LEF1: variants seen among roughly 807,000 people sequenced by gnomAD.
The protein encoded by LEF1 is lymphoid enhancer-binding factor 1.
Under a neutral mutation model 51.2 loss-of-function variants are expected in LEF1, and 14 were observed. The observed-to-expected ratio is 0.27, with a 90% CI of 0.18 to 0.43. The LOEUF (loss-of-function observed/expected upper bound fraction) is 0.43, where lower values mean the gene tolerates loss of function less well. Among genes scored for constraint, LEF1 ranks in the 20% least tolerant of loss-of-function variants. The pLI is 1.00. For missense variants in LEF1, 386 were observed against 512.0 expected (o/e 0.75, Z 2.37); for synonymous variants, 185 against 183.2 (o/e 1.01, Z -0.08).
chr4:108,152,933 T>C (rs941101118), intron 3 of LEF1, among the ~76,000 whole-genome samples: 35 of 152,240 alleles, frequency 2.3e-4, no homozygotes, highest in African/African-American at 8.2e-4. Flanking sequence ...ACAGCAGTGC[T>C]TTGCTGCTGC....
Position 108,167,111 on chromosome 4 carries a change from G to A in LEF1, c.213+444C>T, listed in dbSNP as rs904322201. Among the ~76,000 whole-genome samples, 1 of 152,084 alleles carries A rather than the reference G, an allele frequency of 6.6e-6. No homozygotes were observed. Among genetic ancestry groups the A allele is most frequent in the Non-Finnish European group, 1.5e-5 (1 of 68,020 alleles). On this transcript the variant is annotated intron_variant, in intron 1 of 11. Transcript: ENST00000265165. The surrounding 1 kb of genome is among the most constrained non-coding windows in gnomAD (Gnocchi z 5.7). ...CCACCTAAGCCTTTGGTGGTTTAAC[G>A]CACTTTTGCAGAGACATCTACCAAG... is the stretch of plus-strand genomic sequence containing the variant.
intron 4 of LEF1, among the ~76,000 whole-genome samples, chr4:108,088,632 T>C (rs138977442): frequency 1.7e-3 from 265 of 152,342 alleles, no homozygotes; most frequent in African/African-American, 6.0e-3. Context: ...GGACTTTAAA[T>C]AGAGGTTTTA....
chr4:108,115,211 C>A (rs1741760369), intron 3 of LEF1, among the ~76,000 whole-genome samples: 1 of 152,094 alleles, frequency 6.6e-6, no homozygotes, highest in South Asian at 2.1e-4. Flanking sequence ...AATGAGCTAT[C>A]CAAATAGATC....
chr4:108,160,383 A>T (rs1448912379), intron 3 of LEF1, among the ~76,000 whole-genome samples: 3 of 152,250 alleles, frequency 2.0e-5, no homozygotes, highest in African/African-American at 7.2e-5. Context: ...TAAAATATTT[A>T]ACAGGCTTCT....
At chr4:108,099,556 A>ATGTG (rs1245005290) in intron 3 of LEF1, among the ~76,000 whole-genome samples, 1,916 of 49,394 alleles carry the variant, frequency 0.039, 147 homozygotes, top group Non-Finnish European at 0.051. Flanking sequence ...GTGTGTGTGT[A>ATGTG]TGTGTGTGTG....
rs183616121 is a variant in LEF1 at position 108,073,246 on chromosome 4, G to A, written c.1009-2476C>T. On this transcript the variant is annotated intron_variant, in intron 8 of 11. Coordinates refer to ENST00000265165, the MANE Select transcript of LEF1 (RefSeq NM_016269.5). ...ATTAAAATACAAAAATTAGCCAGGC[G>A]TAGCAGTGCATGCCTGTAATCCCAG... is the stretch of plus-strand genomic sequence containing the variant. Among the ~76,000 whole-genome samples, 565 of 152,232 alleles carry A rather than the reference G, an allele frequency of 3.7e-3. 4 individuals carry two copies. Among genetic ancestry groups the A allele is most frequent in the Middle Eastern group, 0.01 (3 of 294 alleles).
At chr4:108,124,881 G>A (rs988014753) in intron 3 of LEF1, among the ~76,000 whole-genome samples, 22 of 152,132 alleles carry the variant, frequency 1.4e-4, no homozygotes, top group Non-Finnish European at 3.1e-4. Context: ...CTCCTTTCTA[G>A]GTATCACTAG....
intron 4 of LEF1, among the ~76,000 whole-genome samples, chr4:108,088,775 A>C (rs555661565): frequency 6.7e-6 from 1 of 149,020 alleles, no homozygotes; most frequent in East Asian, 2.0e-4. Context: ...TTCCTATTTT[A>C]AAATTACCAG....
rs1401784157 is a variant in LEF1 at position 108,166,531 on chromosome 4, G to A, written c.213+1024C>T. On this transcript the variant is annotated intron_variant, in intron 1 of 11. Coordinates refer to ENST00000265165, the MANE Select transcript of LEF1 (RefSeq NM_016269.5). Reference sequence around the variant, plus strand: ...AACAAGGGTGACCAGTGGAGTGTCGGGTATCAGGGTCCATCCGCCCCCTAG... The same window carrying A: ...AACAAGGGTGACCAGTGGAGTGTCGAGTATCAGGGTCCATCCGCCCCCTAG... 2.3e-6 allele frequency: 3 copies of A among 1,296,372 alleles called. No individual in the cohort carries two copies. In the Admixed American group the frequency reaches 1.1e-4, roughly 49 times the overall value. The allele number at this position is 1,296,372 out of a possible 1,614,324, so 80.3% of individuals were successfully genotyped here.
chr4:108,113,109 A>G lies in LEF1; in HGVS notation c.415-23852T>C, dbSNP rs886725282. Among the ~76,000 whole-genome samples the G allele has an allele frequency of 3.9e-5, 6 of 152,322 alleles. No individual in the cohort carries two copies. The East Asian group carries it at 1.2e-3, about 29-fold the overall frequency. On this transcript the variant is annotated intron_variant, in intron 3 of 11. Transcript: ENST00000265165. Reference sequence around the variant, plus strand: ...TGAAACAGACAGGGTGTGTTTTTTAATTAATACAATGATGGAAACCATTCT... The same window carrying G: ...TGAAACAGACAGGGTGTGTTTTTTAGTTAATACAATGATGGAAACCATTCT...
intron 11 of LEF1, among the ~76,000 whole-genome samples, chr4:108,051,505 G>A (rs902496033): frequency 6.6e-6 from 1 of 152,232 alleles, no homozygotes. Context: ...CTGGGGGGCT[G>A]CGGCTGAAGC....
rs1037185140 is a variant in LEF1 at position 108,047,916 on chromosome 4, T to C, written c.*842A>G. 2.0e-5 allele frequency: 3 copies of C among 152,442 alleles called. No homozygotes were observed. The highest frequency in any genetic ancestry group is 7.3e-5 in the African/African-American group (3 of 41,378). The allele number at this position is 152,442 out of a possible 1,614,324, so 9.4% of individuals were successfully genotyped here. A position where few individuals can be genotyped will look rare whatever the true frequency, so the allele number is the denominator to read the frequency against. On this transcript the variant is annotated 3_prime_UTR_variant, in exon 12 of 12. Transcript: ENST00000265165. ...AAACAGAAGAAAAAATAAACTGAAA[T>C]AGGGCTGCCAATTGCTACCAACAGA...
chr4:108,069,921 G>A (rs1348919838), intron 9 of LEF1, among the ~76,000 whole-genome samples: 4 of 147,936 alleles, frequency 2.7e-5, no homozygotes, highest in Admixed American at 2.1e-4. Flanking sequence ...TCATGCCACC[G>A]CACTCCAGCC....
intron 3 of LEF1, among the ~76,000 whole-genome samples, chr4:108,129,129 A>G (rs553141273): frequency 2.0e-5 from 3 of 152,254 alleles, no homozygotes; most frequent in Admixed American, 1.3e-4. Flanking sequence ...TCATTACTGA[A>G]TCTGCTGCTT....
At chr4:108,116,041 T>C (rs544392203) in intron 3 of LEF1, among the ~76,000 whole-genome samples, 16 of 152,254 alleles carry the variant, frequency 1.1e-4, no homozygotes, top group Non-Finnish European at 2.4e-4. Flanking sequence ...TGGTTTCAAT[T>C]CCAAGTTAAG....
At chr4:108,100,395 G>C (rs911496940) in intron 3 of LEF1, among the ~76,000 whole-genome samples, 1 of 152,148 alleles carries the variant, frequency 6.6e-6, no homozygotes, top group Non-Finnish European at 1.5e-5. Flanking sequence ...GAAAACTGTA[G>C]TAGCAAAGAC....
intron 3 of LEF1, among the ~76,000 whole-genome samples, chr4:108,096,933 G>A (rs1469709061): frequency 1.3e-5 from 2 of 152,264 alleles, no homozygotes. Flanking sequence ...CCAAAGGACA[G>A]GTAATAACGA....
At position 108,064,777 on chromosome 4, in the gene LEF1, G is replaced by T. The variant is rs6830277; in HGVS notation, c.1117-393C>A. On this transcript the variant is annotated intron_variant, in intron 9 of 11. Coordinates refer to ENST00000265165, the MANE Select transcript of LEF1 (RefSeq NM_016269.5). ...CACACACGGATAATGATGTCCTAGA[G>T]CTGTGGCCATAGGACCCTCTTCAAG... 8.5e-3 allele frequency among the ~76,000 whole-genome samples: 1,284 copies of T among 151,906 alleles called. 16 individuals carry two copies. The highest frequency in any genetic ancestry group is 0.028 in the African/African-American group (1,164 of 41,388).
At chr4:108,069,022 A>G (rs1315306737) in intron 9 of LEF1, among the ~76,000 whole-genome samples, 1 of 152,218 alleles carries the variant, frequency 6.6e-6, no homozygotes, top group Non-Finnish European at 1.5e-5. Flanking sequence ...ATGTGATGGT[A>G]TAATGAGGGA....
Sources: gnomAD v4.1 joint callset for allele counts (sites outside exome capture counted in the v4.1 genomes callset) on GRCh38, gnomAD v4.1.1 for gene constraint, Gnocchi (gnomAD v3.1) non-coding constraint, MANE v1.5 for transcripts, NCBI Gene and HGNC (gene_info 2026-07-23, HGNC 2026-07-21) for gene names.